The following IL1RAPL2 variants were observed in gnomAD, a reference collection of about 807,000 sequenced individuals.
The protein encoded by IL1RAPL2 is X-linked interleukin-1 receptor accessory protein-like 2.
A neutral mutation model predicts 44.1 loss-of-function variants in IL1RAPL2; 3 were observed. The observed-to-expected ratio is 0.07, with a 90% confidence interval of 0.03 to 0.18. The LOEUF (loss-of-function observed/expected upper bound fraction) is 0.18. Ranked by LOEUF, IL1RAPL2 falls within the 10% of genes least tolerant of loss-of-function variation. The pLI is 1.00. For missense variants in IL1RAPL2, 391 were observed against 496.4 expected (o/e 0.79, Z 2.02); for synonymous variants, 181 against 178.8 (o/e 1.01, Z -0.10).
At chrX:104,811,170 G>A (rs765629075) in intron 2 of IL1RAPL2, among the ~76,000 whole-genome samples, 1 of 110,790 alleles carries the variant, frequency 9.0e-6, no homozygotes, top group Admixed American at 9.7e-5. Context: ...AATAATAACT[G>A]CCTAGAAAAG....
At chrX:105,611,198 A>C (rs1417794227) in intron 6 of IL1RAPL2, among the ~76,000 whole-genome samples, 2 of 112,527 alleles carry the variant, frequency 1.8e-5, no homozygotes, top group Non-Finnish European at 3.8e-5. Context: ...CAGCTATACA[A>C]TGTGTTTACA....
At chrX:104,806,898 C>T (rs189391915) in intron 2 of IL1RAPL2, among the ~76,000 whole-genome samples, 70 of 111,553 alleles carry the variant, frequency 6.3e-4, no homozygotes, top group Admixed American at 5.8e-3. Context: ...GTGCCTGGTC[C>T]GGGGGTAGTC....
intron 1 of IL1RAPL2, among the ~76,000 whole-genome samples, chrX:104,658,294 G>T (rs1012087227): frequency 8.9e-6 from 1 of 112,072 alleles, no homozygotes; most frequent in African/African-American, 3.2e-5. Flanking sequence ...CATATAAAAG[G>T]ATGAGTTTAT....
chrX:104,641,821 A>G (rs1203142225), intron 1 of IL1RAPL2, among the ~76,000 whole-genome samples: 1 of 111,762 alleles, frequency 8.9e-6, no homozygotes, highest in Admixed American at 9.5e-5. Flanking sequence ...CCAAGTTTCC[A>G]TAATGCCCCA....
intron 2 of IL1RAPL2, among the ~76,000 whole-genome samples, chrX:104,817,019 CA>C (rs1921154652): frequency 8.9e-6 from 1 of 112,508 alleles, no homozygotes; most frequent in Non-Finnish European, 1.9e-5. Context: ...CCAAAAGATA[CA>C]GGGGGAACTC....
chrX:105,195,452 T>C (rs781792619), intron 2 of IL1RAPL2, 23 bp from the exon 3 acceptor site: 1 of 1,205,832 alleles, frequency 8.3e-7, no homozygotes, highest in Non-Finnish European at 1.1e-6. Context: ...CTGTATCTTA[T>C]ACCTCTTCTG....
intron 6 of IL1RAPL2, among the ~76,000 whole-genome samples, chrX:105,560,830 AT>A (rs1412385641): frequency 3.6e-5 from 4 of 109,617 alleles, no homozygotes; most frequent in Non-Finnish European, 7.6e-5. Context: ...ACTTATATAT[AT>A]ATAATACATA....
chrX:104,619,438 C>T (rs1424946038), intron 1 of IL1RAPL2, among the ~76,000 whole-genome samples: 1 of 111,694 alleles, frequency 9.0e-6, no homozygotes, highest in East Asian at 2.8e-4. Flanking sequence ...CAGAGGGAGG[C>T]TCTCTGCTTC....
At chrX:105,076,361 G>C (rs777690867) in intron 2 of IL1RAPL2, among the ~76,000 whole-genome samples, 134 of 111,844 alleles carry the variant, frequency 1.2e-3, no homozygotes, top group African/African-American at 3.9e-3. Context: ...TTTTGAGTGA[G>C]TTTCTTAATC....
At chrX:105,701,352 C>T (rs1178506601) in intron 6 of IL1RAPL2, among the ~76,000 whole-genome samples, 2 of 111,439 alleles carry the variant, frequency 1.8e-5, no homozygotes, top group Non-Finnish European at 3.8e-5. Context: ...TTTAAGTCCA[C>T]TCATTTAGAC....
intron 2 of IL1RAPL2, among the ~76,000 whole-genome samples, chrX:104,701,611 A>G (rs1167210587): frequency 8.9e-6 from 1 of 112,123 alleles, no homozygotes; most frequent in Non-Finnish European, 1.9e-5. Flanking sequence ...AAAAATATTT[A>G]GTGATATGTA....
At chrX:104,928,480 G>T (rs1465987142) in intron 2 of IL1RAPL2, among the ~76,000 whole-genome samples, 1 of 111,450 alleles carries the variant, frequency 9.0e-6, no homozygotes, top group Non-Finnish European at 1.9e-5. Context: ...GCCTCATGCT[G>T]TGGGAGCCAT....
At chrX:104,603,201 CCTCCAGCAAA>C (rs1477158305) in intron 1 of IL1RAPL2, among the ~76,000 whole-genome samples, 2 of 111,225 alleles carry the variant, frequency 1.8e-5, no homozygotes, top group Non-Finnish European at 3.8e-5. Flanking sequence ...TGGGAGTGGA[CCTCCAGCAAA>C]CTCCAGCAGA....
In IL1RAPL2 at chrX:105,311,615, C is replaced by T. The variant is rs112607971; in HGVS notation, c.697+44074C>T. Among the ~76,000 whole-genome samples the T allele has an allele frequency of 9.7e-4, 90 of 92,745 alleles. 1 individual carries two copies. The highest frequency in any genetic ancestry group is 5.2e-3 in the Middle Eastern group (1 of 193). The allele number at this position is 92,745 out of a possible 115,157, so 80.5% of individuals were successfully genotyped here. On this transcript the variant is annotated intron_variant, in intron 5 of 10. Coordinates refer to ENST00000372582, the MANE Select transcript of IL1RAPL2 (RefSeq NM_017416.2). ...TTGTGGATGATTATACATACATACA[C>T]ACACACACACACACACACACACACA...
intron 2 of IL1RAPL2, among the ~76,000 whole-genome samples, chrX:104,869,740 G>A (rs963640424): frequency 9.0e-6 from 1 of 111,718 alleles, no homozygotes; most frequent in Non-Finnish European, 1.9e-5. Flanking sequence ...AGGAGCTATA[G>A]CCAAGCTGTA....
intron 2 of IL1RAPL2, among the ~76,000 whole-genome samples, chrX:105,036,981 A>G (rs1189656648): frequency 8.9e-6 from 1 of 112,145 alleles, no homozygotes; most frequent in African/African-American, 3.2e-5. Context: ...CTGACAAGTT[A>G]ACTCCCCATA....
intron 1 of IL1RAPL2, among the ~76,000 whole-genome samples, chrX:104,575,422 A>G (rs1928226452): frequency 9.0e-6 from 1 of 111,560 alleles, no homozygotes. Flanking sequence ...TATATCCTAT[A>G]AATATATAGA....
chrX:105,245,120 C>T (rs762329228), intron 4 of IL1RAPL2, among the ~76,000 whole-genome samples: 42 of 112,021 alleles, frequency 3.7e-4, no homozygotes, highest in Non-Finnish European at 6.8e-4. Context: ...ATTTAACTAA[C>T]GTCTTAACTC....
At chrX:105,016,054 T>C (rs181841770) in intron 2 of IL1RAPL2, among the ~76,000 whole-genome samples, 1 of 111,418 alleles carries the variant, frequency 9.0e-6, no homozygotes, top group East Asian at 2.9e-4. Flanking sequence ...GATTCCTAGG[T>C]ATTTTATTCT....
Sources: allele counts gnomAD v4.1 joint callset (sites outside exome capture counted in the v4.1 genomes callset), GRCh38; gene constraint gnomAD v4.1.1; transcripts MANE v1.5; gene names NCBI Gene and HGNC (gene_info 2026-07-23, HGNC 2026-07-21).